Variants in PTPRD observed in about 807,000 individuals in gnomAD.
PTPRD encodes the protein protein tyrosine phosphatase receptor type D, also known as receptor-type tyrosine-protein phosphatase delta.
A neutral mutation model predicts 214.5 loss-of-function variants in PTPRD; 34 were observed. That is an observed-to-expected ratio of 0.16 (90% CI 0.12 to 0.21). The LOEUF is 0.21. PTPRD is among the 10% of genes least tolerant of loss of function. PTPRD has a pLI of 1.00. For missense variants in PTPRD, 2,545 were observed against 2,398.7 expected (o/e 1.06, Z -1.27); for synonymous variants, 1,128 against 845.7 (o/e 1.33, Z -5.79).
At chr9:10,238,115 G>C (rs916773479) in intron 3 of PTPRD, among the ~76,000 whole-genome samples, 3 of 151,270 alleles carry the variant, frequency 2.0e-5, no homozygotes, top group Non-Finnish European at 4.4e-5. Context: ...ATGAGAGAAA[G>C]AGTTGTTTTA....
intron 11 of PTPRD, among the ~76,000 whole-genome samples, chr9:8,850,818 C>T (rs2097794249): frequency 6.6e-6 from 1 of 152,174 alleles, no homozygotes; most frequent in Non-Finnish European, 1.5e-5. Flanking sequence ...ACAGGGAGGC[C>T]AGGATCTACT....
chr9:9,096,283 T>C (rs555412331), intron 10 of PTPRD, among the ~76,000 whole-genome samples: 5 of 152,292 alleles, frequency 3.3e-5, no homozygotes, highest in African/African-American at 1.2e-4. Context: ...TGCTTCAATA[T>C]AGTAATCTTT....
chr9:8,376,752 G>T (rs751326078), intron 37 of PTPRD, 26 bp from the exon 38 acceptor site: 2 of 1,610,512 alleles, frequency 1.2e-6, no homozygotes, highest in South Asian at 1.1e-5. Context: ...GACACATTCA[G>T]GGCAAATGCT....
At chr9:9,057,826 G>A (rs986864222) in intron 10 of PTPRD, among the ~76,000 whole-genome samples, 9 of 152,090 alleles carry the variant, frequency 5.9e-5, no homozygotes, top group African/African-American at 2.2e-4. Flanking sequence ...ATGCTTCTGA[G>A]TAGCTGTTAT....
chr9:10,202,461 G>C (rs948394882), intron 3 of PTPRD, among the ~76,000 whole-genome samples: 13 of 147,552 alleles, frequency 8.8e-5, no homozygotes, highest in African/African-American at 3.3e-4. Context: ...GCTGGCATTA[G>C]AAAGGATACT....
chr9:8,385,434 A>G (rs1043313537), intron 37 of PTPRD, among the ~76,000 whole-genome samples: 7 of 152,144 alleles, frequency 4.6e-5, no homozygotes, highest in Admixed American at 3.3e-4. Context: ...GGATTGCTTG[A>G]GCCCAGAAAT....
At chr9:8,825,715 T>G (rs72702400) in intron 11 of PTPRD, among the ~76,000 whole-genome samples, 2 of 152,120 alleles carry the variant, frequency 1.3e-5, no homozygotes, top group African/African-American at 2.4e-5. Context: ...CCATGAGGGC[T>G]GCTGGTTGCC....
At chr9:9,690,259 T>C (rs555235062) in intron 7 of PTPRD, among the ~76,000 whole-genome samples, 3 of 152,074 alleles carry the variant, frequency 2.0e-5, no homozygotes, top group East Asian at 1.9e-4. Flanking sequence ...CACCTTTTTA[T>C]ATACCTGTTG....
intron 31 of PTPRD, among the ~76,000 whole-genome samples, chr9:8,466,450 T>G (rs1173611947): frequency 6.6e-6 from 1 of 151,968 alleles, no homozygotes; most frequent in Non-Finnish European, 1.5e-5. Flanking sequence ...TTCATGTATT[T>G]CTAAAGAAAA....
At chr9:10,111,843 C>T (rs868565049) in intron 3 of PTPRD, among the ~76,000 whole-genome samples, 71 of 152,156 alleles carry the variant, frequency 4.7e-4, no homozygotes, top group African/African-American at 1.5e-3. Flanking sequence ...CTCATTTCTT[C>T]ATTTATATAT....
At chr9:8,767,681 G>T (rs1387719951) in intron 11 of PTPRD, among the ~76,000 whole-genome samples, 1 of 152,204 alleles carries the variant, frequency 6.6e-6, no homozygotes, top group African/African-American at 2.4e-5. Flanking sequence ...AATTATCAGG[G>T]AGTTAAAAAT....
intron 8 of PTPRD, among the ~76,000 whole-genome samples, chr9:9,470,479 T>G: frequency 6.6e-6 from 1 of 152,292 alleles, no homozygotes; most frequent in African/African-American, 2.4e-5. Context: ...TACAAAGTAT[T>G]TTATTAATTA....
At chr9:9,879,876 T>G (rs955978904) in intron 5 of PTPRD, among the ~76,000 whole-genome samples, 1 of 152,180 alleles carries the variant, frequency 6.6e-6, no homozygotes, top group African/African-American at 2.4e-5. Flanking sequence ...GAATAATCAC[T>G]GCCAGTTGGG....
At chr9:9,158,419 C>A (rs147472730) in intron 10 of PTPRD, among the ~76,000 whole-genome samples, 156 of 151,980 alleles carry the variant, frequency 1.0e-3, no homozygotes, top group African/African-American at 3.6e-3. Flanking sequence ...GGCCAACATG[C>A]TAAAACTCCG....
intron 11 of PTPRD, among the ~76,000 whole-genome samples, chr9:8,753,404 A>G (rs1415649515): frequency 1.3e-5 from 2 of 152,216 alleles, no homozygotes; most frequent in Non-Finnish European, 2.9e-5. Context: ...CCGGGGGATA[A>G]ATCCCACAAT....
intron 10 of PTPRD, among the ~76,000 whole-genome samples, chr9:9,083,417 G>A (rs572701561): frequency 6.6e-6 from 1 of 152,198 alleles, no homozygotes; most frequent in African/African-American, 2.4e-5. Context: ...ATGGATTAAA[G>A]ACTTCAATGT....
rs145738208 is a variant in PTPRD, at chr9:10,058,175, T to C, written c.-544-24385A>G. Among the ~76,000 whole-genome samples the C allele has an allele frequency of 7.7e-4, 117 of 152,160 alleles. 2 individuals carry two copies. In the South Asian group the frequency reaches 0.022, roughly 29 times the overall value. On this transcript the variant is annotated intron_variant, in intron 3 of 45. Coordinates refer to ENST00000381196, the MANE Select transcript of PTPRD (RefSeq NM_002839.4). Reference sequence around the variant, plus strand: ...ATTACCTTCGTTCTAGTGATTCTCATTGAGAAAACAAAACAAAAACTCATG... The same window carrying C: ...ATTACCTTCGTTCTAGTGATTCTCACTGAGAAAACAAAACAAAAACTCATG...
chr9:8,421,145 G>A (rs565588395), intron 35 of PTPRD, among the ~76,000 whole-genome samples: 2 of 152,232 alleles, frequency 1.3e-5, no homozygotes, highest in Admixed American at 1.3e-4. Flanking sequence ...CTTGATAAAT[G>A]ATATCTCTCT....
intron 8 of PTPRD, among the ~76,000 whole-genome samples, chr9:9,479,738 A>AAACAC (rs141176427): frequency 6.6e-6 from 1 of 151,794 alleles, no homozygotes; most frequent in Non-Finnish European, 1.5e-5. Context: ...AACAAAAACA[A>AAACAC]AACAAAACAA....
Sources: allele counts gnomAD v4.1 joint callset (sites outside exome capture counted in the v4.1 genomes callset), GRCh38; gene constraint gnomAD v4.1.1; transcripts MANE v1.5; gene names NCBI Gene and HGNC (gene_info 2026-07-23, HGNC 2026-07-21).